The following SMARCAL1 variants were observed in gnomAD, a reference collection of about 807,000 sequenced individuals.
The protein encoded by SMARCAL1 is ATP-driven annealing helicase.
In SMARCAL1, 58 loss-of-function variants were observed where a neutral mutation model predicts 94.5. The observed-to-expected ratio is 0.61, with a 90% confidence interval of 0.50 to 0.76. The LOEUF (loss-of-function observed/expected upper bound fraction) is 0.76. SMARCAL1 is among the 30% of genes least tolerant of loss of function. The pLI, the probability that SMARCAL1 is intolerant of heterozygous loss-of-function variation, is 0.00. For synonymous variants in SMARCAL1, 422 were observed against 455.1 expected, an observed-to-expected ratio of 0.93 and a Z score of 0.93; for missense variants, 1,051 against 1,177.9, an observed-to-expected ratio of 0.89 and a Z score of 1.58.
intron 11 of SMARCAL1, among the ~76,000 whole-genome samples, chr2:216,448,712 G>T (rs1694374550): frequency 6.6e-6 from 1 of 152,032 alleles, no homozygotes; most frequent in Non-Finnish European, 1.5e-5. Flanking sequence ...CACACATGTA[G>T]TCCCAGCTAC....
chr2:216,454,667 G>A (rs1694521698), intron 12 of SMARCAL1, among the ~76,000 whole-genome samples: 1 of 152,172 alleles, frequency 6.6e-6, no homozygotes, highest in African/African-American at 2.4e-5. Context: ...AGTGGTATAT[G>A]AGAGTTAGTT....
At chr2:216,478,120 A>C in intron 16 of SMARCAL1, 83 bp from the exon 17 acceptor site, 1 of 1,071,942 alleles carries the variant, frequency 9.3e-7, no homozygotes, top group Middle Eastern at 2.0e-4. Context: ...TTGTCCCATA[A>C]GAACAAGGAG....
chr2:216,452,763 C>T (rs2106057335), intron 12 of SMARCAL1, among the ~76,000 whole-genome samples: 1 of 152,284 alleles, frequency 6.6e-6, no homozygotes, highest in Non-Finnish European at 1.5e-5. Context: ...CTTAGTGCAA[C>T]AAGATCTGAA....
rs774004064 is a variant in SMARCAL1 at position 216,482,932 on chromosome 2, AT to A, written c.2823del (p.Phe941LeufsTer31). The A allele has an allele frequency of 1.1e-5, 17 of 1,614,104 alleles. No individual in the cohort carries two copies. The highest frequency in any genetic ancestry group is 1.4e-5 in the Non-Finnish European group (16 of 1,180,038). ...CAGCCAGTCCACAGAAGAAAAGGAGATTTGAATTTTTTGATAACTGGGACAG... is the reference window on the plus strand; with the variant it reads ...CAGCCAGTCCACAGAAGAAAAGGAGATTGAATTTTTTGATAACTGGGACAG... ...LTASPQKKRRFEFFDNWDSFT... is the reference protein window; with the variant it reads ...LTASPQKKRRXEFFDNWDSFT... On this transcript the variant is annotated frameshift_variant, in exon 18 of 18. Transcript: ENST00000357276. LOFTEE classifies it high-confidence loss of function. The surrounding 1 kb of genome is among the most constrained non-coding windows in gnomAD (Gnocchi z 4.3).
chr2:216,418,923 C>A (rs1437004603), intron 4 of SMARCAL1, among the ~76,000 whole-genome samples: 1 of 152,070 alleles, frequency 6.6e-6, no homozygotes, highest in Non-Finnish European at 1.5e-5. Context: ...TTGTCTTTTC[C>A]AGAATTTTTA....
chr2:216,430,004 G>T (rs888317075), intron 7 of SMARCAL1, among the ~76,000 whole-genome samples: 2 of 152,070 alleles, frequency 1.3e-5, no homozygotes, highest in Non-Finnish European at 2.9e-5. Context: ...AGGTTGCCCA[G>T]CCCCACCCCC....
chr2:216,415,893 G>T, intron 3 of SMARCAL1: 1 of 374,196 alleles, frequency 2.7e-6, no homozygotes, highest in Non-Finnish European at 5.0e-6. Flanking sequence ...CAGTTTCATT[G>T]GTCTGGAAAG....
intron 11 of SMARCAL1, among the ~76,000 whole-genome samples, chr2:216,447,419 T>C (rs940987619): frequency 1.3e-5 from 2 of 152,078 alleles, no homozygotes; most frequent in African/African-American, 4.8e-5. Flanking sequence ...TAGTGGCTGA[T>C]GTGTAGGTAT....
chr2:216,461,591 G>C (rs1396175444), intron 12 of SMARCAL1, among the ~76,000 whole-genome samples: 1 of 152,078 alleles, frequency 6.6e-6, no homozygotes, highest in Non-Finnish European at 1.5e-5. Context: ...ATTTTGGGAG[G>C]CCAAGGCAGG....
rs1199493662 is a variant in SMARCAL1 at position 216,438,481 on chromosome 2, T to C, written c.1706T>C (p.Leu569Pro). 1 of 1,613,536 alleles carries C rather than the reference T, an allele frequency of 6.2e-7. No homozygotes were observed. The highest frequency in any genetic ancestry group is 8.5e-7 in the Non-Finnish European group (1 of 1,179,708). The change falls in exon 10 of 18, where the codon CTA becomes CCA. Residue 569 changes from leucine (L) to proline (P), a missense_variant. Transcript: ENST00000357276. ...CGCTGTCGAGCAGCTATGCCGGTCC[T>C]AAAGGTGAGTACTTCTGAGAACTGA... ...TARCRAAMPVLKVAKRVILLS... is the reference protein window; with the variant it reads ...TARCRAAMPVPKVAKRVILLS...
intron 13 of SMARCAL1, among the ~76,000 whole-genome samples, chr2:216,466,630 G>T (rs1208811412): frequency 6.6e-6 from 1 of 152,106 alleles, no homozygotes; most frequent in East Asian, 1.9e-4. Context: ...ACTTGTAGAA[G>T]GTTATAGAAC....
chr2:216,435,725 G>C (rs913223697), intron 9 of SMARCAL1, among the ~76,000 whole-genome samples: 1 of 152,090 alleles, frequency 6.6e-6, no homozygotes, highest in African/African-American at 2.4e-5. Flanking sequence ...TTGAAATTGT[G>C]ATTTAATTAG....
intron 7 of SMARCAL1, 66 bp from the exon 8 acceptor site, chr2:216,432,652 C>T: frequency 6.2e-7 from 1 of 1,600,804 alleles, no homozygotes. Flanking sequence ...TGCTGACCCA[C>T]CGGACATGAG....
intron 13 of SMARCAL1, among the ~76,000 whole-genome samples, chr2:216,467,024 T>C (rs1176587179): frequency 1.3e-5 from 2 of 152,138 alleles, no homozygotes; most frequent in Non-Finnish European, 2.9e-5. Context: ...GGAGCTCACT[T>C]GCCTGTACTG....
At chr2:216,434,436 A>G (rs1694032016) in intron 8 of SMARCAL1, among the ~76,000 whole-genome samples, 1 of 152,214 alleles carries the variant, frequency 6.6e-6, no homozygotes, top group Non-Finnish European at 1.5e-5. Flanking sequence ...TACATCGTTC[A>G]TAAAATTCCT....
intron 12 of SMARCAL1, among the ~76,000 whole-genome samples, chr2:216,462,833 A>T (rs145072706): frequency 0.21 from 31,701 of 151,068 alleles, 3,570 homozygotes; most frequent in East Asian, 0.36. Context: ...AAAAAATAAA[A>T]AAAAAAAAAA....
chr2:216,446,554 G>T (rs1440939642), intron 10 of SMARCAL1: 1 of 396,256 alleles, frequency 2.5e-6, no homozygotes, highest in Non-Finnish European at 5.1e-6. Context: ...TCTGGAGGAA[G>T]TTCAGACCTG....
chr2:216,438,314 G>C lies in SMARCAL1; in HGVS notation c.1645-106G>C. 4 of 917,150 alleles carry C rather than the reference G, an allele frequency of 4.4e-6. No homozygotes were observed. The South Asian group carries it at 5.5e-5, about 13-fold the overall frequency. The allele number at this position is 917,150 out of a possible 1,614,324, so 56.8% of individuals were successfully genotyped here. Reference sequence around the variant, plus strand: ...CTCCTTGAATGAGAAAGTGCTAAGGGAGCATCCACCTTGCACTTGCCATGC... The same window carrying C: ...CTCCTTGAATGAGAAAGTGCTAAGGCAGCATCCACCTTGCACTTGCCATGC... On this transcript the variant is annotated intron_variant, in intron 9 of 17. Transcript: ENST00000357276.
chr2:216,478,801 T>C (rs989634409), intron 17 of SMARCAL1, among the ~76,000 whole-genome samples: 1 of 152,238 alleles, frequency 6.6e-6, no homozygotes, highest in Non-Finnish European at 1.5e-5. Flanking sequence ...TCACAGGGCA[T>C]GTGAAGCCAG....
Sources: allele counts gnomAD v4.1 joint callset (sites outside exome capture counted in the v4.1 genomes callset), GRCh38; gene constraint gnomAD v4.1.1; non-coding constraint Gnocchi (gnomAD v3.1); transcripts MANE v1.5; gene names NCBI Gene and HGNC (gene_info 2026-07-23, HGNC 2026-07-21).